LUZP2: variants seen among roughly 807,000 people sequenced by gnomAD.
LUZP2 encodes the protein leucine zipper protein 2.
LUZP2 carries 52 observed loss-of-function variants against 51.6 expected under a neutral mutation model. That is an observed-to-expected ratio of 1.01 (90% CI 0.81 to 1.27). The LOEUF (loss-of-function observed/expected upper bound fraction) is 1.27, where lower values mean the gene tolerates loss of function less well. LUZP2 is among the 50% of genes most tolerant of loss of function. LUZP2 has a pLI of 0.00. For missense variants in LUZP2, 436 were observed against 395.4 expected (o/e 1.10, Z -0.87); for synonymous variants, 154 against 137.3 (o/e 1.12, Z -0.85).
intron 9 of LUZP2, among the ~76,000 whole-genome samples, chr11:25,036,627 A>T (rs1857872655): frequency 6.6e-6 from 1 of 152,044 alleles, no homozygotes. Context: ...TTTCCTCAAC[A>T]CTACTTTGTC....
chr11:24,560,757 G>A (rs1415975747), intron 1 of LUZP2, among the ~76,000 whole-genome samples: 1 of 152,178 alleles, frequency 6.6e-6, no homozygotes, highest in Non-Finnish European at 1.5e-5. Flanking sequence ...ATTTAAGGGA[G>A]TATTACAACA....
chr11:24,701,289 G>T (rs565663554), intron 1 of LUZP2: 104 of 165,040 alleles, frequency 6.3e-4, no homozygotes. Context: ...CCAAGAGGAA[G>T]GTCAGTTCAG....
intron 5 of LUZP2, among the ~76,000 whole-genome samples, chr11:24,878,777 C>T (rs1047288036): frequency 6.6e-6 from 1 of 151,696 alleles, no homozygotes; most frequent in Non-Finnish European, 1.5e-5. Flanking sequence ...TTTTGCCCCC[C>T]ACACCCTAAC....
intron 1 of LUZP2, among the ~76,000 whole-genome samples, chr11:24,523,476 A>C (rs7101736): frequency 0.23 from 34,217 of 150,680 alleles, 5,011 homozygotes; most frequent in African/African-American, 0.42. Flanking sequence ...ATTCACTTAA[A>C]ATATCAAGCT....
chr11:24,532,019 A>G (rs1371229547), intron 1 of LUZP2, among the ~76,000 whole-genome samples: 1 of 151,052 alleles, frequency 6.6e-6, no homozygotes, highest in Non-Finnish European at 1.5e-5. Flanking sequence ...TCTGTTTTTA[A>G]TATTGATTAT....
At chr11:24,499,062 G>C (rs1296536434) in intron 1 of LUZP2, among the ~76,000 whole-genome samples, 1 of 152,098 alleles carries the variant, frequency 6.6e-6, no homozygotes, top group African/African-American at 2.4e-5. Flanking sequence ...TTTTGATAGG[G>C]ATAAATTTCT....
intron 5 of LUZP2, among the ~76,000 whole-genome samples, chr11:24,804,292 TTTCTAG>T (rs141179119): frequency 0.11 from 16,253 of 152,048 alleles, 1,248 homozygotes; most frequent in East Asian, 0.44. Context: ...AAAGCCTATG[TTTCTAG>T]TTACTCCATC....
At chr11:24,517,483 CAAAAAAAAAAA>C (rs71041768) in intron 1 of LUZP2, among the ~76,000 whole-genome samples, 7 of 44,156 alleles carry the variant, frequency 1.6e-4, no homozygotes, top group East Asian at 8.6e-4. Context: ...CAGACGCCGT[CAAAAAAAAAAA>C]AAAAAAAAAA....
At chr11:24,546,023 T>A (rs1851528548) in intron 1 of LUZP2, among the ~76,000 whole-genome samples, 2 of 152,050 alleles carry the variant, frequency 1.3e-5, no homozygotes, top group African/African-American at 4.8e-5. Flanking sequence ...TATATCAAGG[T>A]ATTTTATGCT....
At chr11:25,017,647 G>A (rs933983684) in intron 9 of LUZP2, among the ~76,000 whole-genome samples, 1 of 152,012 alleles carries the variant, frequency 6.6e-6, no homozygotes, top group Non-Finnish European at 1.5e-5. Flanking sequence ...AGGCTGTTCT[G>A]GTGACTATAG....
intron 9 of LUZP2, among the ~76,000 whole-genome samples, chr11:25,026,642 A>G (rs987214742): frequency 2.0e-5 from 3 of 152,002 alleles, no homozygotes; most frequent in Non-Finnish European, 4.4e-5. Context: ...TTAAATTTGG[A>G]CAAATTTCTT....
At chr11:24,762,823 G>A (rs1290669892) in intron 4 of LUZP2, 3 of 168,076 alleles carry the variant, frequency 1.8e-5, no homozygotes, top group Non-Finnish European at 3.6e-5. Context: ...TTGAGGTAAG[G>A]GATATTATTA....
chr11:24,822,069 T>C (rs187096318), intron 5 of LUZP2, among the ~76,000 whole-genome samples: 1 of 151,780 alleles, frequency 6.6e-6, no homozygotes, highest in Non-Finnish European at 1.5e-5. Context: ...GATATGTTCT[T>C]TGTGAAATTG....
At chr11:24,784,248 T>G (rs1255605150) in intron 5 of LUZP2, among the ~76,000 whole-genome samples, 1 of 152,022 alleles carries the variant, frequency 6.6e-6, no homozygotes, top group Non-Finnish European at 1.5e-5. Context: ...TTTGTTTTCT[T>G]TATATATAGC....
chr11:24,611,905 T>G lies in LUZP2; in HGVS notation c.62+114600T>G, dbSNP rs1301461481. 6.6e-6 allele frequency among the ~76,000 whole-genome samples: 1 copy of G among 152,196 alleles called. No homozygotes were observed. On this transcript the variant is annotated intron_variant, in intron 1 of 11. Transcript: ENST00000336930. This position sits in a 1 kb window ranked among gnomAD's most constrained non-coding sequence, Gnocchi z 4.6. The stretch of plus-strand genomic sequence containing the variant: ...ATCACAGGAGATAATATAAATGTAG[T>G]CTTGAGTCAGACAATATGTGTTATG...
intron 1 of LUZP2, among the ~76,000 whole-genome samples, chr11:24,629,292 C>T (rs1196509989): frequency 1.3e-5 from 2 of 151,714 alleles, no homozygotes; most frequent in African/African-American, 4.8e-5. Context: ...TTCATATGTA[C>T]ACATTATTTA....
chr11:24,785,113 A>G (rs1849205999), intron 5 of LUZP2, among the ~76,000 whole-genome samples: 2 of 152,102 alleles, frequency 1.3e-5, no homozygotes, highest in African/African-American at 4.8e-5. Flanking sequence ...TCTTTGGAAG[A>G]TATCTCTTCT....
intron 1 of LUZP2, among the ~76,000 whole-genome samples, chr11:24,600,851 A>G (rs886873516): frequency 6.6e-6 from 1 of 152,188 alleles, no homozygotes; most frequent in African/African-American, 2.4e-5. Context: ...AATAAAAAAC[A>G]AAAACAAAAA....
intron 7 of LUZP2, among the ~76,000 whole-genome samples, chr11:24,943,478 T>C (rs1466867875): frequency 2.0e-5 from 3 of 152,190 alleles, no homozygotes; most frequent in Non-Finnish European, 4.4e-5. Flanking sequence ...CATGCTGGGA[T>C]CTACTGCGGT....
Sources: gnomAD v4.1 joint callset for allele counts (sites outside exome capture counted in the v4.1 genomes callset) on GRCh38, gnomAD v4.1.1 for gene constraint, Gnocchi (gnomAD v3.1) non-coding constraint, MANE v1.5 for transcripts, NCBI Gene and HGNC (gene_info 2026-07-23, HGNC 2026-07-21) for gene names.